The following NLGN4X variants were observed in gnomAD, a reference collection of about 807,000 sequenced individuals.
NLGN4X encodes neuroligin-4, X-linked.
Under a neutral mutation model 40.3 loss-of-function variants are expected in NLGN4X, and 3 were observed. The observed-to-expected ratio is 0.07, with a 90% CI of 0.03 to 0.19. The LOEUF is 0.19. Ranked by LOEUF, NLGN4X falls within the 10% of genes least tolerant of loss-of-function variation. NLGN4X has a pLI of 1.00. For synonymous variants in NLGN4X, 270 were observed against 306.8 expected (o/e 0.88, Z 1.25); for missense variants, 382 against 708.3 (o/e 0.54, Z 5.23).
At chrX:6,128,618 G>A (rs1411957151) in intron 2 of NLGN4X, among the ~76,000 whole-genome samples, 5 of 111,365 alleles carry the variant, frequency 4.5e-5, no homozygotes, top group Non-Finnish European at 9.4e-5. Context: ...GCTAAACACT[G>A]AGTACACATG....
At position 5,892,332 on chromosome X, in the gene NLGN4X, A is replaced by C. The variant is rs2031220422; in HGVS notation, c.*485T>G. The C allele has an allele frequency of 2.3e-5, 4 of 170,611 alleles. No homozygotes were observed. The highest frequency in any genetic ancestry group is 2.2e-4 in the Admixed American group (3 of 13,568). The allele number at this position is 170,611 out of a possible 1,213,427, so 14.1% of individuals were successfully genotyped here. On this transcript the variant is annotated 3_prime_UTR_variant, in exon 6 of 6. Transcript: ENST00000381095. ...TTCCTTCTCTCTGGATTACAGCTCCATGTGCTGGGCAAAATCTCATTGACT... is the reference window on the plus strand; with the variant it reads ...TTCCTTCTCTCTGGATTACAGCTCCCTGTGCTGGGCAAAATCTCATTGACT...
intron 1 of NLGN4X, among the ~76,000 whole-genome samples, chrX:6,220,694 G>T (rs1020882169): frequency 1.0e-4 from 11 of 107,292 alleles, no homozygotes; most frequent in Non-Finnish European, 2.1e-4. Context: ...TCCTAAATAA[G>T]GAGTACATCC....
intron 3 of NLGN4X, among the ~76,000 whole-genome samples, chrX:5,930,742 G>C (rs1407788116): frequency 3.6e-5 from 4 of 112,423 alleles, no homozygotes; most frequent in Non-Finnish European, 7.5e-5. Context: ...CATGAGGTCT[G>C]TGGAAGTGAA....
chrX:6,054,484 G>A (rs965944629), intron 2 of NLGN4X, among the ~76,000 whole-genome samples: 1 of 110,569 alleles, frequency 9.0e-6, no homozygotes, highest in Non-Finnish European at 1.9e-5. Context: ...GCTAGGTGTA[G>A]TGGTGCATGC....
At chrX:5,929,241 TC>T (rs1359766206) in intron 3 of NLGN4X, among the ~76,000 whole-genome samples, 1 of 111,435 alleles carries the variant, frequency 9.0e-6, no homozygotes, top group East Asian at 2.8e-4. Context: ...GGTGGGAAGA[TC>T]ACCTGAGGTC....
chrX:6,155,039 C>T (rs2040235168), intron 1 of NLGN4X, among the ~76,000 whole-genome samples: 1 of 111,856 alleles, frequency 8.9e-6, no homozygotes, highest in African/African-American at 3.3e-5. Flanking sequence ...ATTTTGGTAT[C>T]TGGACCTTAA....
chrX:6,039,175 G>A (rs1238860243), intron 2 of NLGN4X, among the ~76,000 whole-genome samples: 2 of 111,275 alleles, frequency 1.8e-5, no homozygotes, highest in Non-Finnish European at 3.8e-5. Flanking sequence ...ATATAATGAT[G>A]TGCTGTTTCC....
At chrX:6,106,981 T>C (rs2039044536) in intron 2 of NLGN4X, among the ~76,000 whole-genome samples, 1 of 112,818 alleles carries the variant, frequency 8.9e-6, no homozygotes, top group East Asian at 2.8e-4. Context: ...ACTCTTGAAA[T>C]TCATTTATTC....
chrX:6,153,935 G>A (rs964446067), intron 1 of NLGN4X, among the ~76,000 whole-genome samples: 7 of 112,439 alleles, frequency 6.2e-5, no homozygotes, highest in Non-Finnish European at 1.3e-4. Flanking sequence ...TCTAGATTGG[G>A]CATTCACAAT....
At chrX:6,164,710 C>T (rs2040465305) in intron 1 of NLGN4X, among the ~76,000 whole-genome samples, 1 of 111,684 alleles carries the variant, frequency 9.0e-6, no homozygotes, top group South Asian at 3.8e-4. Context: ...GTCTTCAGAA[C>T]GTTTCCCAAG....
intron 1 of NLGN4X, among the ~76,000 whole-genome samples, chrX:6,207,749 A>G (rs766760517): frequency 8.9e-6 from 1 of 111,993 alleles, no homozygotes; most frequent in East Asian, 2.8e-4. Context: ...TTTTATTAAC[A>G]TTGGAATAAA....
intron 2 of NLGN4X, among the ~76,000 whole-genome samples, chrX:6,113,124 G>A (rs778492185): frequency 5.4e-5 from 6 of 110,721 alleles, no homozygotes; most frequent in Middle Eastern, 4.6e-3. Context: ...GAGACATGAC[G>A]GCTAAATGTA....
At chrX:5,901,229 G>A (rs779049067) in intron 5 of NLGN4X, among the ~76,000 whole-genome samples, 4 of 112,287 alleles carry the variant, frequency 3.6e-5, no homozygotes, top group South Asian at 3.7e-4. Flanking sequence ...TGCTAAACAC[G>A]TAGGCATTGA....
At chrX:6,041,489 TG>T (rs1047714584) in intron 2 of NLGN4X, among the ~76,000 whole-genome samples, 3 of 112,057 alleles carry the variant, frequency 2.7e-5, no homozygotes, top group African/African-American at 9.7e-5. Context: ...CATATGCTCC[TG>T]GAAGATTCAT....
chrX:6,196,336 G>C (rs1398204071), intron 1 of NLGN4X, among the ~76,000 whole-genome samples: 1 of 110,437 alleles, frequency 9.1e-6, no homozygotes, highest in Non-Finnish European at 1.9e-5. Context: ...CGGATCACGA[G>C]GTCAGGAGAT....
rs1434120064 is a variant in NLGN4X, at chrX:6,132,309, C to T, written c.472+18686G>A. Among the ~76,000 whole-genome samples, 3 of 111,495 alleles carry T rather than the reference C, an allele frequency of 2.7e-5. No homozygotes were observed. The Admixed American group carries it at 2.9e-4, about 11-fold the overall frequency. ...GCCCAGATGGGATAATCCAAAATATCTCCAGACATTGCTGACACCCCCTTG... is the reference window on the plus strand; with the variant it reads ...GCCCAGATGGGATAATCCAAAATATTTCCAGACATTGCTGACACCCCCTTG... On this transcript the variant is annotated intron_variant, in intron 2 of 5. Coordinates refer to ENST00000381095, the MANE Select transcript of NLGN4X (RefSeq NM_181332.3).
chrX:5,912,503 TTC>T (rs973434668), intron 3 of NLGN4X, among the ~76,000 whole-genome samples: 1 of 111,347 alleles, frequency 9.0e-6, no homozygotes, highest in African/African-American at 3.3e-5. Flanking sequence ...ATTGCAATTC[TTC>T]TGTCTTGACT....
chrX:5,911,576 T>A (rs759027077), intron 3 of NLGN4X, among the ~76,000 whole-genome samples: 2 of 112,504 alleles, frequency 1.8e-5, no homozygotes, highest in South Asian at 7.4e-4. Flanking sequence ...GTTTTGAGGC[T>A]GGTGTTTCCA....
chrX:5,972,344 T>C (rs919383843), intron 3 of NLGN4X, among the ~76,000 whole-genome samples: 4 of 111,483 alleles, frequency 3.6e-5, no homozygotes, highest in Non-Finnish European at 1.9e-5. Context: ...TTTATTATAC[T>C]GATTTAACTA....
Sources: gnomAD v4.1 joint callset for allele counts (sites outside exome capture counted in the v4.1 genomes callset) on GRCh38, gnomAD v4.1.1 for gene constraint, MANE v1.5 for transcripts, NCBI Gene and HGNC (gene_info 2026-07-23, HGNC 2026-07-21) for gene names.